The following SPAG9 variants were observed in gnomAD, a reference collection of about 807,000 sequenced individuals.
SPAG9 encodes sperm associated antigen 9, also known as C-Jun-amino-terminal kinase-interacting protein 4.
SPAG9 carries 35 observed loss-of-function variants against 166.5 expected under a neutral mutation model. The ratio of observed to expected loss-of-function variants is 0.21; its 90% CI spans 0.16 to 0.28. The LOEUF (loss-of-function observed/expected upper bound fraction) is 0.28. Among genes scored for constraint, SPAG9 ranks in the 10% least tolerant of loss-of-function variants. The pLI, the probability that SPAG9 is intolerant of heterozygous loss-of-function variation, is 1.00. For missense variants in SPAG9, 1,235 were observed against 1,603.3 expected (o/e 0.77, Z 3.92); for synonymous variants, 534 against 565.5 (o/e 0.94, Z 0.79).
In SPAG9 at chr17:50,993,807, G is replaced by C. The variant is rs781563922; in HGVS notation, c.2355C>G (p.Phe785Leu). ...ACAGAACATGAGAGTTGCAAACAGT[G>C]AAACTGTCTAGGATGTTGCCAGGTT... is the stretch of plus-strand genomic sequence containing the variant. The part of the protein sequence containing the change: ...AVQPGNILDS[F>L]TVCNSHVLCI... Residue 785 changes from phenylalanine to leucine, a missense_variant, in exon 19 of 30, where the codon TTC (phenylalanine) becomes TTG (leucine). Physicochemically the swap from Phe to Leu is conservative, Grantham distance 22 (BLOSUM62 0). Coordinates refer to ENST00000262013, the MANE Select transcript of SPAG9 (RefSeq NM_001130528.3). The C allele has an allele frequency of 1.9e-6, 3 of 1,614,124 alleles. No homozygotes were observed. The highest frequency in any genetic ancestry group is 2.5e-6 in the Non-Finnish European group (3 of 1,180,018).
At chr17:51,037,735 T>A (rs1046557417) in intron 5 of SPAG9, among the ~76,000 whole-genome samples, 1 of 144,182 alleles carries the variant, frequency 6.9e-6, no homozygotes, top group Non-Finnish European at 1.5e-5. Context: ...AACATTTTTT[T>A]AAAAAAAGGA....
At chr17:51,092,634 C>T (rs1451995984) in intron 1 of SPAG9, among the ~76,000 whole-genome samples, 1 of 151,652 alleles carries the variant, frequency 6.6e-6, no homozygotes, top group African/African-American at 2.4e-5. Context: ...ATTGGTTTGG[C>T]CAGGCACAGT....
In SPAG9 at chr17:50,962,877, T is replaced by C. The variant is rs1263187947; in HGVS notation, c.*3395A>G. On this transcript the variant is annotated 3_prime_UTR_variant, in exon 30 of 30. Transcript: ENST00000262013. ...TAACCTTTTCTATGCAAACACAATC[T>C]GAAAAGTTATGTGCTGCATATTGTG... 1.3e-5 allele frequency: 2 copies of C among 152,240 alleles called. No individual in the cohort carries two copies. The highest frequency in any genetic ancestry group is 2.9e-5 in the Non-Finnish European group (2 of 68,044). The allele number at this position is 152,240 out of a possible 1,614,324, so 9.4% of individuals were successfully genotyped here. A position where few individuals can be genotyped will look rare whatever the true frequency, so the allele number is the denominator to read the frequency against.
chr17:51,017,508 G>A (rs907996957), intron 8 of SPAG9, among the ~76,000 whole-genome samples: 14 of 143,828 alleles, frequency 9.7e-5, no homozygotes, highest in Middle Eastern at 6.9e-3. Context: ...GCGACAGAAT[G>A]AGAACCTGTC....
Position 50,970,869 on chromosome 17 carries a change from G to GAAACA in SPAG9, c.3701-18_3701-14dup. 1 of 1,607,610 alleles carries GAAACA rather than the reference G, an allele frequency of 6.2e-7. No homozygotes were observed. Among genetic ancestry groups the GAAACA allele is most frequent in the Non-Finnish European group, 8.5e-7 (1 of 1,176,064 alleles). ...CTGATGACTTGACCTGTTTTATACA[G>GAAACA]AAACAAAAGTGAATATTACTTATCA... On this transcript the variant is annotated splice_polypyrimidine_tract_variant and intron_variant, in intron 28 of 29. Coordinates refer to ENST00000262013, the MANE Select transcript of SPAG9 (RefSeq NM_001130528.3).
rs777243156 is a variant in SPAG9, at chr17:50,979,865, C to A, written c.3290G>T (p.Trp1097Leu). The stretch of plus-strand genomic sequence containing the variant: ...GGAGACCCACACGCCATCCCCCACC[C>A]ACGCAAGCTGTCGCACTTGGCTCTC... ...RKESQVRQLA[W>L]VGDGVWVSIR... Residue 1097 changes from tryptophan to leucine, a missense_variant, in exon 26 of 30, where the codon TGG (tryptophan) becomes TTG (leucine). This residue lies in a region of SPAG9 where 243 missense variants were observed against 358.6 expected (regional missense o/e 0.68). Transcript: ENST00000262013. 1 of 1,614,182 alleles carries A rather than the reference C, an allele frequency of 6.2e-7. No individual in the cohort carries two copies. The highest frequency in any genetic ancestry group is 1.1e-5 in the South Asian group (1 of 91,086).
chr17:51,005,115 T>A, intron 12 of SPAG9, 97 bp downstream of exon 12: 1 of 1,009,772 alleles, frequency 9.9e-7, no homozygotes, highest in Non-Finnish European at 1.5e-6. Context: ...CTTTTAAAAA[T>A]CTTTATAGTA....
Position 51,119,727 on chromosome 17 carries a change from T to C in SPAG9, c.303+627A>G, listed in dbSNP as rs147234000. On this transcript the variant is annotated intron_variant, in intron 1 of 29. Transcript: ENST00000262013. Reference sequence around the variant, plus strand: ...TACAACCTGATACGGAGGAATGCTTTGGTTTGGGATACCAACGAAATTGTT... The same window carrying C: ...TACAACCTGATACGGAGGAATGCTTCGGTTTGGGATACCAACGAAATTGTT... Among the ~76,000 whole-genome samples the C allele has an allele frequency of 1.9e-4, 29 of 152,328 alleles. No homozygotes were observed. The East Asian group carries it at 5.6e-3, about 29-fold the overall frequency.
At chr17:51,096,722 A>G (rs1249281473) in intron 1 of SPAG9, among the ~76,000 whole-genome samples, 1 of 152,232 alleles carries the variant, frequency 6.6e-6, no homozygotes, top group Non-Finnish European at 1.5e-5. Flanking sequence ...GGAAAGAATT[A>G]GATGCATATG....
intron 8 of SPAG9, 171 bp from the exon 9 acceptor site, chr17:51,014,524 A>G (rs1447605431): frequency 1.9e-6 from 1 of 523,732 alleles, no homozygotes; most frequent in Non-Finnish European, 3.3e-6. Flanking sequence ...AATTCTCACT[A>G]AGCTCCATGG....
intron 6 of SPAG9, among the ~76,000 whole-genome samples, chr17:51,026,890 G>C (rs951158255): frequency 9.2e-5 from 14 of 151,698 alleles, no homozygotes; most frequent in African/African-American, 3.1e-4. Flanking sequence ...TGGTCAGGCT[G>C]GTCTCGAACT....
At chr17:50,999,436 C>T (rs1247899369) in intron 14 of SPAG9, 1 of 1,463,208 alleles carries the variant, frequency 6.8e-7, no homozygotes, top group African/African-American at 1.5e-5. Context: ...CATGATGCAG[C>T]TTACGATATC....
intron 1 of SPAG9, among the ~76,000 whole-genome samples, chr17:51,082,465 A>T (rs1329137551): frequency 6.6e-6 from 1 of 151,034 alleles, no homozygotes; most frequent in Non-Finnish European, 1.5e-5. Flanking sequence ...ACTTAACCTC[A>T]TCCAACATGC....
At position 50,993,905 on chromosome 17, in the gene SPAG9, C is replaced by A. The variant is rs1975833776; in HGVS notation, c.2257G>T (p.Glu753Ter). The A allele has an allele frequency of 4.3e-6, 7 of 1,614,078 alleles. No homozygotes were observed. Among genetic ancestry groups the A allele is most frequent in the Non-Finnish European group, 5.9e-6 (7 of 1,179,962 alleles). ...CAGATCCAAACTAGACTGGATAATT[C>A]TTCTTGATTTTTTAACTCCTTCTGC... is the stretch of plus-strand genomic sequence containing the variant. ...EQQKELKNQE[E>*]LSSLVWICTS... The change falls in exon 19 of 30, where the codon GAA becomes TAA. Residue 753 changes from glutamate to a stop codon, truncating the protein, a stop_gained. Coordinates refer to ENST00000262013, the MANE Select transcript of SPAG9 (RefSeq NM_001130528.3). LOFTEE classifies it high-confidence loss of function.
chr17:51,100,795 T>G (rs1196995198), intron 1 of SPAG9, among the ~76,000 whole-genome samples: 1 of 152,104 alleles, frequency 6.6e-6, no homozygotes, highest in Non-Finnish European at 1.5e-5. Context: ...GGTGCATGCC[T>G]GTAATCCCAG....
chr17:51,038,269 G>C (rs1366274360), intron 5 of SPAG9, among the ~76,000 whole-genome samples: 1 of 152,124 alleles, frequency 6.6e-6, no homozygotes, highest in Non-Finnish European at 1.5e-5. Context: ...GGCATTTACA[G>C]ACATGGAATT....
intron 28 of SPAG9, among the ~76,000 whole-genome samples, chr17:50,974,274 C>T (rs548744312): frequency 6.6e-6 from 1 of 152,244 alleles, no homozygotes; most frequent in South Asian, 2.1e-4. Context: ...ATCACATCCA[C>T]CTAGGAGTGA....
chr17:50,988,031 C>T (rs1206046133), intron 21 of SPAG9, among the ~76,000 whole-genome samples: 1 of 152,146 alleles, frequency 6.6e-6, no homozygotes, highest in African/African-American at 2.4e-5. Flanking sequence ...GCCTAGCCAA[C>T]ATGATAAAAC....
At chr17:51,102,881 T>A (rs2048845720) in intron 1 of SPAG9, among the ~76,000 whole-genome samples, 1 of 152,128 alleles carries the variant, frequency 6.6e-6, no homozygotes, top group Non-Finnish European at 1.5e-5. Context: ...CTGGGCTCAA[T>A]CTCTTGAGTA....
Sources: allele counts gnomAD v4.1 joint callset (sites outside exome capture counted in the v4.1 genomes callset), GRCh38; gene constraint gnomAD v4.1.1; regional missense constraint gnomAD v4.1.1; transcripts MANE v1.5; gene names NCBI Gene and HGNC (gene_info 2026-07-23, HGNC 2026-07-21).